The following CRB1 variants were observed in gnomAD, a reference collection of about 807,000 sequenced individuals.
CRB1 encodes crumbs cell polarity complex component 1.
Under a neutral mutation model 120.0 loss-of-function variants are expected in CRB1, and 83 were observed. That is an observed-to-expected ratio of 0.69 (90% confidence interval 0.58 to 0.83). CRB1 has a LOEUF of 0.83. Among genes scored for constraint, CRB1 ranks in the 40% least tolerant of loss-of-function variants. The pLI is 0.00. For missense variants in CRB1, 1,699 were observed against 1,687.6 expected, an observed-to-expected ratio of 1.01 and a Z score of -0.12; for synonymous variants, 625 against 612.5, an observed-to-expected ratio of 1.02 and a Z score of -0.30.
At chr1:197,250,425 A>T in the CRB1 span, among the ~76,000 whole-genome samples, 1 of 152,010 alleles carries the variant, frequency 6.6e-6, no homozygotes, top group Non-Finnish European at 1.5e-5. Flanking sequence ...TTAAATATAG[A>T]TGACTAGTAT....
chr1:197,248,841 G>A, the CRB1 span, among the ~76,000 whole-genome samples: 1 of 152,014 alleles, frequency 6.6e-6, no homozygotes, highest in South Asian at 2.1e-4. Flanking sequence ...AACAAAATGT[G>A]ATGAAAGGCC....
rs1230478193 is a variant in CRB1, at chr1:197,421,614, C to T, written c.1786C>T (p.Pro596Ser). 6.2e-7 allele frequency: 1 copy of T among 1,614,196 alleles called. No individual in the cohort carries two copies. The highest frequency in any genetic ancestry group is 1.3e-5 in the African/African-American group (1 of 75,048). Reference protein sequence around the residue: ...SCKEKCIAKAPTPLESDQSIC... With the variant: ...SCKEKCIAKASTPLESDQSIC... ...TAAGGAGAAATGCATCGCGAAAGCTCCTACTCCACTTGAAAGTGATCAATC... is the reference window on the plus strand; with the variant it reads ...TAAGGAGAAATGCATCGCGAAAGCTTCTACTCCACTTGAAAGTGATCAATC... Residue 596 changes from proline to serine, a missense_variant, in exon 6 of 12, where the codon CCT becomes TCT. Coordinates refer to ENST00000367400, the MANE Select transcript of CRB1 (RefSeq NM_201253.3).
chr1:197,283,487 A>G lies in CRB1; in HGVS notation c.70+15005A>G, dbSNP rs150814499. 1.3e-4 allele frequency among the ~76,000 whole-genome samples: 19 copies of G among 151,920 alleles called. No homozygotes were observed. The East Asian group carries it at 3.7e-3, about 30-fold the overall frequency. ...AGCTCCCACTTATGAGTGAGAACAT[A>G]TGATGTTTGGTTTTCCATTCCTGAG... On this transcript the variant is annotated intron_variant, in intron 1 of 11. Coordinates refer to ENST00000367400, the MANE Select transcript of CRB1 (RefSeq NM_201253.3).
intron 5 of CRB1, among the ~76,000 whole-genome samples, chr1:197,364,362 A>G (rs1660951718): frequency 6.6e-6 from 1 of 152,202 alleles, no homozygotes. Context: ...ACTTGGTGTT[A>G]ACTTATTTGG....
intron 1 of CRB1, among the ~76,000 whole-genome samples, chr1:197,281,938 A>G (rs563476676): frequency 6.6e-6 from 1 of 151,854 alleles, no homozygotes; most frequent in East Asian, 1.9e-4. Flanking sequence ...CAAAGGGGAG[A>G]CCCAGTTAGA....
chr1:197,214,102 T>G, the CRB1 span, among the ~76,000 whole-genome samples: 2 of 152,046 alleles, frequency 1.3e-5, no homozygotes, highest in African/African-American at 4.8e-5. Flanking sequence ...GTTGCGTGGT[T>G]TTTTTGTTTG....
At chr1:197,388,035 A>C (rs1662312068) in intron 5 of CRB1, among the ~76,000 whole-genome samples, 1 of 151,872 alleles carries the variant, frequency 6.6e-6, no homozygotes, top group South Asian at 2.1e-4. Context: ...CATAGTATTT[A>C]AGACATGATC....
intron 11 of CRB1, among the ~76,000 whole-genome samples, chr1:197,446,032 A>G (rs1181234871): frequency 6.6e-6 from 1 of 152,130 alleles, no homozygotes; most frequent in Admixed American, 6.5e-5. Context: ...TATACTAAAA[A>G]TACAAAAATT....
the CRB1 span, among the ~76,000 whole-genome samples, chr1:197,212,345 T>TAGCCAAACACTGGAAAC: frequency 6.6e-6 from 1 of 152,164 alleles, no homozygotes; most frequent in Non-Finnish European, 1.5e-5. Context: ...TTACTTGTAA[T>TAGCCAAACACTGGAAAC]AGCCAAACAC....
intron 7 of CRB1, among the ~76,000 whole-genome samples, chr1:197,428,208 G>A (rs1372730879): frequency 1.3e-5 from 2 of 152,084 alleles, no homozygotes; most frequent in African/African-American, 2.4e-5. Flanking sequence ...ACTGGTATCA[G>A]GATCTATTTA....
chr1:197,419,737 G>GGCCGA (rs1417203021), intron 5 of CRB1, among the ~76,000 whole-genome samples: 2 of 151,358 alleles, frequency 1.3e-5, no homozygotes, highest in East Asian at 3.9e-4. Flanking sequence ...CACTTTGGGA[G>GGCCGA]GCCGAGGCGG....
Position 197,408,420 on chromosome 1 carries a change from A to G in CRB1, c.1172-12580A>G, listed in dbSNP as rs149114991. 1.3e-3 allele frequency among the ~76,000 whole-genome samples: 191 copies of G among 152,326 alleles called. 5 individuals are homozygous for G. In the East Asian group the frequency reaches 0.027, roughly 22 times the overall value. On this transcript the variant is annotated intron_variant, in intron 5 of 11. Transcript: ENST00000367400. ...ATTTTAATACAACCATTTATGCAGT[A>G]AGCAATGGGAAATAATGCTGGGAGA...
chr1:197,444,780 T>G (rs976300081), intron 11 of CRB1: 5 of 152,190 alleles, frequency 3.3e-5, no homozygotes, highest in Admixed American at 3.3e-4. Context: ...TGACTATGGC[T>G]TTTACATATT....
chr1:197,301,324 C>T (rs1339862536), intron 1 of CRB1, among the ~76,000 whole-genome samples: 1 of 152,024 alleles, frequency 6.6e-6, no homozygotes, highest in East Asian at 1.9e-4. Flanking sequence ...TGCCACCATA[C>T]CCGGCTAATT....
intron 11 of CRB1, among the ~76,000 whole-genome samples, chr1:197,465,565 T>A (rs1370346221): frequency 2.0e-5 from 3 of 152,204 alleles, no homozygotes; most frequent in Admixed American, 6.5e-5. Flanking sequence ...TGTTTTAAGT[T>A]GCTTTGAGTT....
the CRB1 span, among the ~76,000 whole-genome samples, chr1:197,227,534 G>A: frequency 1.2e-4 from 18 of 152,094 alleles, no homozygotes; most frequent in African/African-American, 3.4e-4. Context: ...GATGCAAGAG[G>A]TAGGTTCTCA....
chr1:197,263,809 T>C (rs1471145674), upstream of CRB1, among the ~76,000 whole-genome samples: 2 of 152,100 alleles, frequency 1.3e-5, no homozygotes, highest in Non-Finnish European at 1.5e-5. Flanking sequence ...CTATCTTCTG[T>C]TTAGTATATT....
the CRB1 span, among the ~76,000 whole-genome samples, chr1:197,246,730 T>C: frequency 1.3e-5 from 2 of 152,114 alleles, no homozygotes; most frequent in East Asian, 3.9e-4. Context: ...CAAAATTCAG[T>C]GTACATAAGT....
chr1:197,245,552 T>C, the CRB1 span, among the ~76,000 whole-genome samples: 19 of 152,218 alleles, frequency 1.2e-4, no homozygotes, highest in African/African-American at 4.1e-4. Flanking sequence ...TGTTATATAA[T>C]TCATTCTAAC....
Sources: gnomAD v4.1 joint callset for allele counts (sites outside exome capture counted in the v4.1 genomes callset) on GRCh38, gnomAD v4.1.1 for gene constraint, MANE v1.5 for transcripts, NCBI Gene and HGNC (gene_info 2026-07-23, HGNC 2026-07-21) for gene names.